Variants in DCAF1 observed in about 807,000 individuals in gnomAD.
DCAF1 encodes DDB1- and CUL4-associated factor 1.
Under a neutral mutation model 128.0 loss-of-function variants are expected in DCAF1, and 15 were observed. The observed-to-expected ratio is 0.12, with a 90% CI of 0.08 to 0.18. The LOEUF is 0.18. Among genes scored for constraint, DCAF1 ranks in the 10% least tolerant of loss-of-function variants. The pLI is 1.00. For synonymous variants in DCAF1, 610 were observed against 603.0 expected (o/e 1.01, Z -0.17); for missense variants, 988 against 1,649.5 (o/e 0.60, Z 6.95).
chr3:51,421,414 G>A (rs1256903039), intron 14 of DCAF1, among the ~76,000 whole-genome samples: 1 of 151,992 alleles, frequency 6.6e-6, no homozygotes, highest in Non-Finnish European at 1.5e-5. Flanking sequence ...CTGTCACCAC[G>A]CCCAGCTAAT....
chr3:51,413,937 T>C lies in DCAF1; in HGVS notation c.3931+13A>G. The C allele has an allele frequency of 6.6e-7, 1 of 1,511,444 alleles. No homozygotes were observed. 93.6% of individuals were successfully genotyped at this position (1,511,444 alleles called of 1,614,324 possible). On this transcript the variant is annotated intron_variant, in intron 20 of 24. Coordinates refer to ENST00000684031, the MANE Select transcript of DCAF1 (RefSeq NM_001387579.1). ...CAAAAGGAAAGAGAATAATGAAGGA[T>C]AAGGTTTATTACCTCCATACATCAC...
chr3:51,483,609 T>TTGTGTGTGTGTGTGTGTGTG (rs57475291), intron 3 of DCAF1, 110 bp downstream of exon 3: 6 of 475,756 alleles, frequency 1.3e-5, no homozygotes, highest in African/African-American at 4.0e-5. Flanking sequence ...TTAAACTAGT[T>TTGTGTGTGTGTGTGTGTGTG]TGTGTGTGTG....
chr3:51,484,645 A>G (rs1706695346), intron 2 of DCAF1, among the ~76,000 whole-genome samples: 1 of 151,942 alleles, frequency 6.6e-6, no homozygotes, highest in Non-Finnish European at 1.5e-5. Flanking sequence ...AGTTCTATCA[A>G]AGATAAACAG....
chr3:51,406,824 C>T (rs189955475), intron 23 of DCAF1, among the ~76,000 whole-genome samples: 62 of 152,308 alleles, frequency 4.1e-4, no homozygotes, highest in Middle Eastern at 3.4e-3. Context: ...ACACTGGCTT[C>T]TCACTTTCTA....
chr3:51,478,578 A>C (rs1553651552), intron 3 of DCAF1, among the ~76,000 whole-genome samples: 2 of 152,144 alleles, frequency 1.3e-5, no homozygotes, highest in Admixed American at 1.3e-4. Flanking sequence ...TAACAGCACA[A>C]TATTTAAATT....
chr3:51,438,390 G>T (rs1259478642), intron 9 of DCAF1, among the ~76,000 whole-genome samples: 1 of 152,030 alleles, frequency 6.6e-6, no homozygotes, highest in African/African-American at 2.4e-5. Context: ...AAATAAAACG[G>T]CATAGGTATC....
At position 51,487,556 on chromosome 3, in the gene DCAF1, T is replaced by C. The variant is rs1476540438; in HGVS notation, c.-8-3720A>G. Among the ~76,000 whole-genome samples, 6 of 152,200 alleles carry C rather than the reference T, an allele frequency of 3.9e-5. No individual in the cohort carries two copies. The East Asian group carries it at 5.8e-4, about 15-fold the overall frequency. ...CTATCTACTGTCCTCTGGTCTATGA[T>C]AGATAGTTTGGGGATTTGTTTTTGT... On this transcript the variant is annotated intron_variant, in intron 2 of 24. Coordinates refer to ENST00000684031, the MANE Select transcript of DCAF1 (RefSeq NM_001387579.1).
At position 51,424,816 on chromosome 3, in the gene DCAF1, G is replaced by GAT. The variant is rs570000697; in HGVS notation, c.1848-2387_1848-2386dup. Among the ~76,000 whole-genome samples the GAT allele has an allele frequency of 5.9e-5, 9 of 152,234 alleles. No homozygotes were observed. The South Asian group carries it at 1.7e-3, about 28-fold the overall frequency. On this transcript the variant is annotated intron_variant, in intron 13 of 24. Coordinates refer to ENST00000684031, the MANE Select transcript of DCAF1 (RefSeq NM_001387579.1). ...TGACGTTATTATTTATGAACACACAGATATATATAGTATAAAAACATGAGT... is the reference window on the plus strand; with the variant it reads ...TGACGTTATTATTTATGAACACACAGATATATATATAGTATAAAAACATGAGT...
rs1181427930 is a variant in DCAF1, at chr3:51,486,433, A to G, written c.-8-2597T>C. ...GGCCTCAAACTCCTGACCTCAGGTG[A>G]TCCTCCTGCCTTAGCCCCCCAAAGT... On this transcript the variant is annotated intron_variant, in intron 2 of 24. Transcript: ENST00000684031. 2.0e-5 allele frequency among the ~76,000 whole-genome samples: 3 copies of G among 150,644 alleles called. No homozygotes were observed. The Admixed American group carries it at 2.0e-4, about 10-fold the overall frequency.
At chr3:51,475,887 A>C (rs1705381305) in intron 3 of DCAF1, among the ~76,000 whole-genome samples, 2 of 151,196 alleles carry the variant, frequency 1.3e-5, no homozygotes, top group African/African-American at 4.9e-5. Flanking sequence ...TGGCTTTTGG[A>C]GCCAGATTTT....
intron 23 of DCAF1, among the ~76,000 whole-genome samples, chr3:51,410,237 T>A (rs1553628008): frequency 2.6e-5 from 4 of 152,162 alleles, no homozygotes; most frequent in African/African-American, 9.7e-5. Context: ...CACAAGAGTC[T>A]CCTCACTCTG....
At chr3:51,481,349 G>T (rs1553652780) in intron 3 of DCAF1, among the ~76,000 whole-genome samples, 1 of 152,054 alleles carries the variant, frequency 6.6e-6, no homozygotes, top group Non-Finnish European at 1.5e-5. Context: ...TAAACTGGAG[G>T]GTAAACTTAT....
intron 1 of DCAF1, among the ~76,000 whole-genome samples, chr3:51,497,864 C>T (rs1708397978): frequency 6.6e-6 from 1 of 151,838 alleles, no homozygotes; most frequent in Non-Finnish European, 1.5e-5. Context: ...TCATGGCTAA[C>T]ACGGTGAAAC....
intron 21 of DCAF1, 23 bp downstream of exon 21, chr3:51,413,259 A>C: frequency 6.2e-7 from 1 of 1,605,542 alleles, no homozygotes; most frequent in Non-Finnish European, 8.5e-7. Flanking sequence ...CAAAATGTTC[A>C]ATGTCTGTCC....
chr3:51,491,040 G>GAA (rs56102341), intron 2 of DCAF1, among the ~76,000 whole-genome samples: 28 of 128,262 alleles, frequency 2.2e-4, no homozygotes, highest in African/African-American at 6.6e-4. Flanking sequence ...AACAATCTTG[G>GAA]AAAAAAAAAA....
chr3:51,470,773 A>G (rs1553648143), intron 4 of DCAF1, among the ~76,000 whole-genome samples, 156 bp downstream of exon 4: 1 of 152,116 alleles, frequency 6.6e-6, no homozygotes, highest in African/African-American at 2.4e-5. Context: ...TAACAAATAA[A>G]AGGTCTTAAA....
At chr3:51,435,139 C>CT (rs2107608188) in intron 9 of DCAF1, among the ~76,000 whole-genome samples, 2 of 152,324 alleles carry the variant, frequency 1.3e-5, no homozygotes, top group East Asian at 3.8e-4. Flanking sequence ...ACACAACACT[C>CT]TACCACACTT....
chr3:51,481,443 G>C (rs1553652827), intron 3 of DCAF1, among the ~76,000 whole-genome samples: 1 of 152,200 alleles, frequency 6.6e-6, no homozygotes, highest in East Asian at 1.9e-4. Flanking sequence ...TGTAATCCCA[G>C]CACTTTGGGA....
Position 51,421,082 on chromosome 3 carries a change from C to G in DCAF1, c.1973-85G>C, listed in dbSNP as rs1699348152. On this transcript the variant is annotated intron_variant, in intron 14 of 24. Coordinates refer to ENST00000684031, the MANE Select transcript of DCAF1 (RefSeq NM_001387579.1). ...TGTTCCAGAGTCAAAATTTGGTGTT[C>G]TACTCACTTTTACTTTAAAAAACTA... The G allele has an allele frequency of 6.8e-6, 10 of 1,471,360 alleles. No homozygotes were observed. The South Asian group carries it at 1.4e-4, about 20-fold the overall frequency. The allele number at this position is 1,471,360 out of a possible 1,614,324, so 91.1% of individuals were successfully genotyped here. A position where few individuals can be genotyped will look rare whatever the true frequency, so the allele number is the denominator to read the frequency against.
Sources: allele counts gnomAD v4.1 joint callset (sites outside exome capture counted in the v4.1 genomes callset), GRCh38; gene constraint gnomAD v4.1.1; transcripts MANE v1.5; gene names NCBI Gene and HGNC (gene_info 2026-07-23, HGNC 2026-07-21).